Variants in RALGAPA2 observed in about 807,000 individuals in gnomAD.
The protein encoded by RALGAPA2 is ral GTPase-activating protein subunit alpha-2.
Under a neutral mutation model 230.4 loss-of-function variants are expected in RALGAPA2, and 139 were observed. The ratio of observed to expected loss-of-function variants is 0.60; its 90% CI spans 0.53 to 0.69. The LOEUF (loss-of-function observed/expected upper bound fraction) is 0.69. Ranked by LOEUF, RALGAPA2 falls within the 30% of genes least tolerant of loss-of-function variation. The probability of loss-of-function intolerance (pLI) is 0.00; values close to 1 mark genes in which losing one functional copy is unlikely to be tolerated. For synonymous variants in RALGAPA2, 847 were observed against 837.8 expected (o/e 1.01, Z -0.19); for missense variants, 2,163 against 2,276.0 (o/e 0.95, Z 1.01).
At chr20:20,494,975 C>T in intron 36 of RALGAPA2, 142 bp downstream of exon 36, 1 of 673,720 alleles carries the variant, frequency 1.5e-6, no homozygotes, top group Non-Finnish European at 2.3e-6. Flanking sequence ...TCCTATAAAG[C>T]ATGCATAATT....
chr20:20,635,411 G>A lies in RALGAPA2; in HGVS notation c.1005+7C>T, dbSNP rs1568681491. Reference sequence around the variant, plus strand: ...ATTAACAGATAAAAAGATGATGGATGGCATACCTGGATGATTTTAGGCAAT... The same window carrying A: ...ATTAACAGATAAAAAGATGATGGATAGCATACCTGGATGATTTTAGGCAAT... On this transcript the variant is annotated splice_region_variant and intron_variant, in intron 9 of 39. Coordinates refer to ENST00000202677, the MANE Select transcript of RALGAPA2 (RefSeq NM_020343.4). The A allele has an allele frequency of 6.3e-7, 1 of 1,581,230 alleles. No homozygotes were observed. Among genetic ancestry groups the A allele is most frequent in the Admixed American group, 1.9e-5 (1 of 53,694 alleles).
At chr20:20,470,065 A>G (rs1254133848) in intron 37 of RALGAPA2, among the ~76,000 whole-genome samples, 1 of 152,090 alleles carries the variant, frequency 6.6e-6, no homozygotes, top group Non-Finnish European at 1.5e-5. Context: ...TTTTAATCAT[A>G]TAAGACAATG....
intron 3 of RALGAPA2, among the ~76,000 whole-genome samples, chr20:20,661,639 G>A (rs1022494771): frequency 6.6e-6 from 1 of 152,144 alleles, no homozygotes; most frequent in African/African-American, 2.4e-5. Flanking sequence ...CTAAAACCAA[G>A]TGCAATGGGC....
chr20:20,591,304 C>A lies in RALGAPA2; in HGVS notation c.2214G>T (p.Glu738Asp). ...IVRQKATEVE[E>D]CQQSENAPAA... ...CAGGTGCATTTTCTGACTGTTGACA[C>A]TCCTCCACTTCTGTGAGCATTAACA... Residue 738 changes from glutamate to aspartate, a missense_variant, in exon 17 of 40, where the codon GAG (glutamate) becomes GAT (aspartate). Coordinates refer to ENST00000202677, the MANE Select transcript of RALGAPA2 (RefSeq NM_020343.4). 6.2e-7 allele frequency: 1 copy of A among 1,613,566 alleles called. No individual in the cohort carries two copies. Among genetic ancestry groups the A allele is most frequent in the East Asian group, 2.2e-5 (1 of 44,860 alleles).
intron 37 of RALGAPA2, among the ~76,000 whole-genome samples, chr20:20,459,678 T>C (rs2061256281): frequency 6.6e-6 from 1 of 152,110 alleles, no homozygotes; most frequent in African/African-American, 2.4e-5. Flanking sequence ...TGGACACCAA[T>C]ATAATAAATT....
chr20:20,588,115 C>T (rs990420591), intron 18 of RALGAPA2, among the ~76,000 whole-genome samples: 1 of 152,104 alleles, frequency 6.6e-6, no homozygotes, highest in African/African-American at 2.4e-5. Flanking sequence ...TAATTCCATT[C>T]CTAGATAGCC....
chr20:20,706,402 G>A (rs889298960), intron 1 of RALGAPA2, among the ~76,000 whole-genome samples: 1 of 152,328 alleles, frequency 6.6e-6, no homozygotes, highest in Non-Finnish European at 1.5e-5. Context: ...AAGGTCAACA[G>A]AGAGAGACCA....
intron 37 of RALGAPA2, among the ~76,000 whole-genome samples, chr20:20,440,594 T>C (rs1283419545): frequency 1.3e-5 from 2 of 152,190 alleles, no homozygotes; most frequent in Non-Finnish European, 2.9e-5. Flanking sequence ...GCCCCCCTTG[T>C]CAAAGACTAG....
intron 19 of RALGAPA2, among the ~76,000 whole-genome samples, chr20:20,583,599 T>C (rs1439195688): frequency 1.3e-5 from 2 of 152,064 alleles, no homozygotes; most frequent in Non-Finnish European, 2.9e-5. Context: ...CCACCACAAA[T>C]GCAAGTTTAC....
chr20:20,395,338 G>A (rs989748336), intron 39 of RALGAPA2, among the ~76,000 whole-genome samples: 2 of 152,242 alleles, frequency 1.3e-5, no homozygotes, highest in Non-Finnish European at 2.9e-5. Flanking sequence ...ACAGGTAGGC[G>A]GGACACAAGG....
rs951156549 is a variant in RALGAPA2 at position 20,637,256 on chromosome 20, C to G, written c.805+107G>C. On this transcript the variant is annotated intron_variant, in intron 8 of 39. Coordinates refer to ENST00000202677, the MANE Select transcript of RALGAPA2 (RefSeq NM_020343.4). ...TTAATAATAAAGTTACCATTCAATA[C>G]AAAAATAAAATGACTATTTTACTTT... 4 of 942,996 alleles carry G rather than the reference C, an allele frequency of 4.2e-6. No individual in the cohort carries two copies. The African/African-American group carries it at 6.8e-5, about 16-fold the overall frequency. The allele number at this position is 942,996 out of a possible 1,614,324, so 58.4% of individuals were successfully genotyped here. A position where few individuals can be genotyped will look rare whatever the true frequency, so the allele number is the denominator to read the frequency against.
intron 36 of RALGAPA2, among the ~76,000 whole-genome samples, chr20:20,482,662 T>C (rs953478013): frequency 2.0e-5 from 3 of 152,122 alleles, no homozygotes; most frequent in Non-Finnish European, 4.4e-5. Flanking sequence ...ACAGAAAGAC[T>C]GTGGACAGAA....
chr20:20,465,805 T>C (rs2061409523), intron 37 of RALGAPA2, among the ~76,000 whole-genome samples: 1 of 152,208 alleles, frequency 6.6e-6, no homozygotes, highest in African/African-American at 2.4e-5. Flanking sequence ...GAGGACCTTC[T>C]GCAAGGCACT....
intron 37 of RALGAPA2, among the ~76,000 whole-genome samples, chr20:20,433,797 T>C (rs1045492389): frequency 1.3e-5 from 2 of 152,158 alleles, no homozygotes; most frequent in African/African-American, 4.8e-5. Flanking sequence ...AGGATTAGCA[T>C]CTCTGCTTCA....
intron 7 of RALGAPA2, 114 bp from the exon 8 acceptor site, chr20:20,637,615 A>C (rs1255150869): frequency 2.9e-5 from 27 of 921,036 alleles, no homozygotes; most frequent in Non-Finnish European, 4.3e-5. Flanking sequence ...AAAAAATGAC[A>C]AATAATATTG....
rs760803413 is a variant in RALGAPA2, at chr20:20,583,069, G to A, written c.2688C>T (p.Thr896=). The A allele has an allele frequency of 2.1e-5, 34 of 1,613,126 alleles. No individual in the cohort carries two copies. Among genetic ancestry groups the A allele is most frequent in the East Asian group, 1.3e-4 (6 of 44,852 alleles). Residue 896 remains threonine (T), a synonymous_variant, in exon 20 of 40, where the codon ACC becomes ACT. Coordinates refer to ENST00000202677, the MANE Select transcript of RALGAPA2 (RefSeq NM_020343.4). ...DARHWLQLSP[T]DASNLTDSSE... is the part of the protein sequence containing the mutation. ...ATTTACCTGTTAAATTTGAAGCATCGGTGGGACTCAGTTGTAACCAATGAC... is the reference window on the plus strand; with the variant it reads ...ATTTACCTGTTAAATTTGAAGCATCAGTGGGACTCAGTTGTAACCAATGAC...
chr20:20,527,498 G>T (rs748224129), intron 27 of RALGAPA2, among the ~76,000 whole-genome samples: 3 of 152,114 alleles, frequency 2.0e-5, no homozygotes, highest in Non-Finnish European at 4.4e-5. Flanking sequence ...AACTTTGCTT[G>T]GAACACTTAA....
intron 2 of RALGAPA2, among the ~76,000 whole-genome samples, chr20:20,678,922 C>T (rs1295914225): frequency 1.3e-5 from 2 of 152,176 alleles, no homozygotes; most frequent in Non-Finnish European, 2.9e-5. Context: ...GCTGACTCTA[C>T]ATGCCTTCAA....
At chr20:20,409,994 T>C (rs1333111592) in intron 38 of RALGAPA2, among the ~76,000 whole-genome samples, 1 of 152,260 alleles carries the variant, frequency 6.6e-6, no homozygotes, top group Non-Finnish European at 1.5e-5. Flanking sequence ...TGAAATGTAA[T>C]ACTGATGTTA....
Sources: allele counts gnomAD v4.1 joint callset (sites outside exome capture counted in the v4.1 genomes callset), GRCh38; gene constraint gnomAD v4.1.1; transcripts MANE v1.5; gene names NCBI Gene and HGNC (gene_info 2026-07-23, HGNC 2026-07-21).